The following ROBO1 variants were observed in gnomAD, a reference collection of about 807,000 sequenced individuals.
ROBO1 encodes the protein roundabout guidance receptor 1.
In ROBO1, 149 loss-of-function variants were observed where a neutral mutation model predicts 195.9. The ratio of observed to expected loss-of-function variants is 0.76; its 90% confidence interval spans 0.67 to 0.87. The LOEUF is 0.87. Ranked by LOEUF, ROBO1 falls within the 40% of genes least tolerant of loss-of-function variation. ROBO1 has a pLI of 0.00. For missense variants in ROBO1, 1,933 were observed against 2,068.3 expected (o/e 0.93, Z 1.27); for synonymous variants, 816 against 733.2 (o/e 1.11, Z -1.82).
intron 2 of ROBO1, among the ~76,000 whole-genome samples, chr3:79,224,958 C>T (rs770892047): frequency 2.0e-5 from 3 of 151,966 alleles, no homozygotes; most frequent in Non-Finnish European, 2.9e-5. Flanking sequence ...AGGAGGAGGA[C>T]GGCAAGGGCT....
intron 5 of ROBO1, among the ~76,000 whole-genome samples, chr3:78,729,486 T>A (rs555927879): frequency 6.6e-6 from 1 of 152,326 alleles, no homozygotes; most frequent in South Asian, 2.1e-4. Context: ...GCCTTGGGTA[T>A]GGCATTTTTC....
At chr3:79,654,042 T>C (rs1664824860) in intron 1 of ROBO1, among the ~76,000 whole-genome samples, 1 of 152,006 alleles carries the variant, frequency 6.6e-6, no homozygotes, top group Admixed American at 6.6e-5. Context: ...CAGAACATTA[T>C]TTGAATTTAC....
chr3:79,318,397 C>G (rs575091329), intron 2 of ROBO1, among the ~76,000 whole-genome samples: 1 of 152,182 alleles, frequency 6.6e-6, no homozygotes, highest in South Asian at 2.1e-4. Flanking sequence ...TACTATGTCA[C>G]TTGTTAAATA....
At chr3:78,684,274 T>A (rs1420339368) in intron 10 of ROBO1, among the ~76,000 whole-genome samples, 1 of 152,120 alleles carries the variant, frequency 6.6e-6, no homozygotes, top group East Asian at 1.9e-4. Flanking sequence ...GGCAAAAATA[T>A]ACACAAAAGT....
chr3:78,882,601 C>T (rs1218444670), intron 4 of ROBO1, among the ~76,000 whole-genome samples: 2 of 152,094 alleles, frequency 1.3e-5, no homozygotes, highest in Non-Finnish European at 2.9e-5. Flanking sequence ...ACATGTTATC[C>T]TCTTTCCACA....
intron 2 of ROBO1, among the ~76,000 whole-genome samples, chr3:79,341,369 A>T (rs2034898457): frequency 6.6e-6 from 1 of 152,186 alleles, no homozygotes; most frequent in Non-Finnish European, 1.5e-5. Context: ...TCAACTTTCA[A>T]TTGGATAGGC....
intron 2 of ROBO1, among the ~76,000 whole-genome samples, chr3:79,334,134 G>A (rs1475942862): frequency 2.6e-5 from 4 of 151,264 alleles, no homozygotes; most frequent in East Asian, 2.0e-4. Flanking sequence ...GGTGAACCCC[G>A]TCTCTACTAA....
At chr3:78,601,164 C>A (rs76734444) in intron 29 of ROBO1, among the ~76,000 whole-genome samples, 15,689 of 152,182 alleles carry the variant, frequency 0.1, 932 homozygotes, top group African/African-American at 0.15. Flanking sequence ...TTCCCCACCT[C>A]CCCCAAATGC....
At chr3:79,110,498 C>T (rs886504929) in intron 3 of ROBO1, among the ~76,000 whole-genome samples, 4 of 151,796 alleles carry the variant, frequency 2.6e-5, no homozygotes, top group Non-Finnish European at 4.4e-5. Flanking sequence ...TAAAATACCT[C>T]CTGTCATTTC....
chr3:78,772,462 G>T (rs957473315), intron 4 of ROBO1, among the ~76,000 whole-genome samples: 11 of 151,874 alleles, frequency 7.2e-5, no homozygotes, highest in African/African-American at 2.7e-4. Flanking sequence ...TAGAAAACAG[G>T]CAAAAAGAAA....
At chr3:79,336,788 C>T (rs568840133) in intron 2 of ROBO1, among the ~76,000 whole-genome samples, 16 of 152,308 alleles carry the variant, frequency 1.1e-4, no homozygotes, top group African/African-American at 3.4e-4. Context: ...ACACTCAATG[C>T]CAGCCTGTGA....
At chr3:79,145,478 T>C (rs554408895) in intron 2 of ROBO1, among the ~76,000 whole-genome samples, 1 of 151,966 alleles carries the variant, frequency 6.6e-6, no homozygotes, top group South Asian at 2.1e-4. Context: ...ATAAAGAACA[T>C]AGAATTACTT....
chr3:78,604,445 C>A (rs1033659624), intron 29 of ROBO1, among the ~76,000 whole-genome samples: 1 of 152,230 alleles, frequency 6.6e-6, no homozygotes, highest in Non-Finnish European at 1.5e-5. Context: ...CAATTTACAT[C>A]ATCACATTCT....
intron 3 of ROBO1, among the ~76,000 whole-genome samples, chr3:79,057,601 T>A (rs2078835840): frequency 2.0e-5 from 3 of 152,002 alleles, no homozygotes; most frequent in South Asian, 2.1e-4. Context: ...AACCTAAAAA[T>A]TTCACCATTT....
intron 1 of ROBO1, among the ~76,000 whole-genome samples, chr3:79,633,911 G>A (rs1945421295): frequency 6.6e-6 from 1 of 151,976 alleles, no homozygotes; most frequent in Non-Finnish European, 1.5e-5. Context: ...CAATTCTGAA[G>A]GACAGGACCT....
At chr3:78,692,926 T>C (rs79581700) in intron 8 of ROBO1, 2,337 of 157,712 alleles carry the variant, frequency 0.015, 47 homozygotes, top group African/African-American at 0.053. Context: ...TATAGAACAA[T>C]AGTTATAAAA....
intron 8 of ROBO1, among the ~76,000 whole-genome samples, chr3:78,711,781 G>T (rs547010564): frequency 1.3e-5 from 2 of 150,828 alleles, no homozygotes; most frequent in African/African-American, 4.9e-5. Context: ...GAGCCACCAC[G>T]CCCGGCCCCC....
chr3:78,816,571 G>A (rs1348825947), intron 4 of ROBO1, among the ~76,000 whole-genome samples: 1 of 152,108 alleles, frequency 6.6e-6, no homozygotes, highest in African/African-American at 2.4e-5. Context: ...AAAACGTTCT[G>A]GAAAGGATTC....
intron 3 of ROBO1, among the ~76,000 whole-genome samples, chr3:79,034,850 C>T (rs1245072838): frequency 6.6e-6 from 1 of 151,966 alleles, no homozygotes; most frequent in Non-Finnish European, 1.5e-5. Flanking sequence ...ACATAAAATC[C>T]AGGATACCAC....
Sources: gnomAD v4.1 joint callset for allele counts (sites outside exome capture counted in the v4.1 genomes callset) on GRCh38, gnomAD v4.1.1 for gene constraint, MANE v1.5 for transcripts, NCBI Gene and HGNC (gene_info 2026-07-23, HGNC 2026-07-21) for gene names.